NBPF9: variants seen among roughly 807,000 people sequenced by gnomAD.
NBPF9 encodes the protein NBPF family member NBPF9.
In NBPF9, 91 loss-of-function variants were observed where a neutral mutation model predicts 97.8. The observed-to-expected ratio is 0.93, with a 90% confidence interval of 0.79 to 1.11. The LOEUF is 1.11. Among genes scored for constraint, NBPF9 ranks in the 50% least tolerant of loss-of-function variants. NBPF9 has a pLI of 0.00. For synonymous variants in NBPF9, 334 were observed against 359.5 expected, an observed-to-expected ratio of 0.93 and a Z score of 0.80; for missense variants, 992 against 939.5, an observed-to-expected ratio of 1.06 and a Z score of -0.73.
chr1:149,090,668 A>G (rs1426253768), intron 5 of NBPF9, 85 bp downstream of exon 5: 99 of 568,886 alleles, frequency 1.7e-4, no homozygotes, highest in African/African-American at 1.7e-3. Context: ...GGGCTAGATT[A>G]GAGAGAAAAA....
chr1:149,096,088 C>G (rs587714201), intron 4 of NBPF9, among the ~76,000 whole-genome samples: 1 of 152,004 alleles, frequency 6.6e-6, no homozygotes, highest in African/African-American at 2.4e-5. Flanking sequence ...GTACATAATG[C>G]TAGAAAGAAG....
intron 20 of NBPF9, among the ~76,000 whole-genome samples, 160 bp downstream of exon 20, chr1:149,063,473 C>T (rs2078776582): frequency 6.9e-6 from 1 of 145,608 alleles, no homozygotes. Context: ...CTTGTCTGGG[C>T]TTCCAAGTGG....
chr1:149,064,524 C>T (rs144745201), intron 18 of NBPF9, 42 bp from the exon 19 acceptor site: 67,331 of 1,444,742 alleles, frequency 0.047, 2,748 homozygotes, highest in Middle Eastern at 0.1. Flanking sequence ...TTAAGCAGTC[C>T]TTCCTTGCAC....
At position 149,080,290 on chromosome 1, in the gene NBPF9, C is replaced by A. The variant is rs1372674323; in HGVS notation, c.176-135G>T. On this transcript the variant is annotated intron_variant, in intron 7 of 29. Coordinates refer to ENST00000584027, the Ensembl canonical transcript of NBPF9. ...ACCAGGGTCTAGACAGGGATTTCCA[C>A]ATCTTTACTCTTCAGTCTCCTGACT... is the stretch of plus-strand genomic sequence containing the variant. 150 of 626,462 alleles carry A rather than the reference C, an allele frequency of 2.4e-4. 4 individuals carry two copies. In the Middle Eastern group the frequency reaches 3.4e-3, roughly 14 times the overall value. The allele number at this position is 626,462 out of a possible 1,614,324, so 38.8% of individuals were successfully genotyped here.
chr1:149,080,630 A>G (rs1210194810), intron 7 of NBPF9, among the ~76,000 whole-genome samples: 289 of 151,452 alleles, frequency 1.9e-3, no homozygotes, highest in South Asian at 0.017. Context: ...TTTTTAGATC[A>G]ATATTCAGAT....
At position 149,062,855 on chromosome 1, in the gene NBPF9, A is replaced by G. The variant is rs587633615; in HGVS notation, c.2078+7T>C. The G allele has an allele frequency of 1.3e-4, 86 of 669,618 alleles. No homozygotes were observed. In the South Asian group the frequency reaches 1.4e-3, roughly 11 times the overall value. 41.5% of individuals were successfully genotyped at this position (669,618 alleles called of 1,614,324 possible). A position where few individuals can be genotyped will look rare whatever the true frequency, so the allele number is the denominator to read the frequency against. On this transcript the variant is annotated splice_region_variant and intron_variant, in intron 21 of 29. Coordinates refer to ENST00000584027, the Ensembl canonical transcript of NBPF9. ...AGAATTAAGCATCCATAATTGCTCAAAGTTACCTGGGGCATGATGGGTCTT... is the reference window on the plus strand; with the variant it reads ...AGAATTAAGCATCCATAATTGCTCAGAGTTACCTGGGGCATGATGGGTCTT...
chr1:149,090,514 C>T (rs2081347036), intron 5 of NBPF9: 3 of 386,756 alleles, frequency 7.8e-6, no homozygotes, highest in Non-Finnish European at 1.4e-5. Context: ...CAATATTTTG[C>T]AATAAAACCT....
intron 7 of NBPF9, among the ~76,000 whole-genome samples, chr1:149,080,596 G>A (rs2080343290): frequency 6.6e-6 from 1 of 151,236 alleles, no homozygotes; most frequent in Non-Finnish European, 1.5e-5. Context: ...GGACAAATAT[G>A]TCAAGGACTT....
downstream of NBPF9, among the ~76,000 whole-genome samples, chr1:149,052,616 C>G (rs1369064365): frequency 6.6e-6 from 1 of 150,538 alleles, no homozygotes; most frequent in African/African-American, 2.4e-5. Context: ...GAATTTCAGC[C>G]TCCATAATCT....
chr1:149,063,043 C>T (rs1161780859), intron 20 of NBPF9, 130 bp from the exon 21 acceptor site: 10 of 563,596 alleles, frequency 1.8e-5, no homozygotes, highest in African/African-American at 2.2e-5. Context: ...GAGAGATATT[C>T]TTCAGGAGGC....
chr1:149,097,214 C>A (rs1431761799), intron 4 of NBPF9, among the ~76,000 whole-genome samples: 2 of 151,818 alleles, frequency 1.3e-5, no homozygotes, highest in Non-Finnish European at 2.9e-5. Context: ...AGGAAATGAA[C>A]AAATTTACAT....
At chr1:149,055,683 G>A (rs782132870) in exon 30 of NBPF9, 2 of 1,611,882 alleles carry the variant, frequency 1.2e-6, no homozygotes, top group African/African-American at 1.3e-5. Context: ...CTTCCATCTG[G>A]AACACCAGGT....
chr1:149,089,233 T>A (rs2081248322), intron 5 of NBPF9, among the ~76,000 whole-genome samples: 1 of 152,152 alleles, frequency 6.6e-6, no homozygotes, highest in Non-Finnish European at 1.5e-5. Context: ...CCCTCACCCA[T>A]GCATTTCTTA....
chr1:149,078,884 C>T (rs2080143353), intron 9 of NBPF9, 123 bp downstream of exon 9: 2 of 1,575,418 alleles, frequency 1.3e-6, no homozygotes, highest in Non-Finnish European at 1.7e-6. Context: ...CTGATCGTGT[C>T]ATGGCCACAT....
chr1:149,100,256 T>C (rs2082062238), intron 3 of NBPF9, among the ~76,000 whole-genome samples: 1 of 121,124 alleles, frequency 8.3e-6, no homozygotes, highest in African/African-American at 3.2e-5. Flanking sequence ...CAAGTCACAA[T>C]GAACATCTAG....
intron 5 of NBPF9, among the ~76,000 whole-genome samples, chr1:149,085,362 T>C (rs1430467836): frequency 2.6e-5 from 4 of 152,216 alleles, no homozygotes; most frequent in Non-Finnish European, 5.9e-5. Flanking sequence ...TTAAAATTAC[T>C]GTAGCTTTAA....
intron 11 of NBPF9, among the ~76,000 whole-genome samples, chr1:149,076,385 T>C (rs1452195916): frequency 1.3e-5 from 2 of 151,126 alleles, no homozygotes; most frequent in African/African-American, 4.8e-5. Context: ...TTAGTAGAGA[T>C]GGGGTTTCGC....
intron 21 of NBPF9, among the ~76,000 whole-genome samples, chr1:149,062,599 A>G (rs1462717734): frequency 8.0e-5 from 11 of 137,922 alleles, no homozygotes; most frequent in Non-Finnish European, 3.1e-5. Context: ...TGGGCTCAAT[A>G]ATTTTCCATA....
chr1:149,055,531 A>G, exon 30 of NBPF9: 1 of 1,559,986 alleles, frequency 6.4e-7, no homozygotes, highest in Admixed American at 1.8e-5. Flanking sequence ...GAATAGGAAT[A>G]GAGCCATGCC....
Sources: gnomAD v4.1 joint callset for allele counts (sites outside exome capture counted in the v4.1 genomes callset) on GRCh38, gnomAD v4.1.1 for gene constraint, MANE v1.5 for transcripts, NCBI Gene and HGNC (gene_info 2026-07-23, HGNC 2026-07-21) for gene names.